The following ZMYM4 variants were observed in gnomAD, a reference collection of about 807,000 sequenced individuals.
ZMYM4 encodes the protein zinc finger MYM-type protein 4.
A neutral mutation model predicts 183.2 loss-of-function variants in ZMYM4; 31 were observed. That is an observed-to-expected ratio of 0.17 (90% CI 0.13 to 0.23). ZMYM4 has a LOEUF of 0.23. Ranked by LOEUF, ZMYM4 falls within the 10% of genes least tolerant of loss-of-function variation. ZMYM4 has a pLI of 1.00. For missense variants in ZMYM4, 1,273 were observed against 1,840.3 expected (o/e 0.69, Z 5.64); for synonymous variants, 592 against 631.2 (o/e 0.94, Z 0.93).
intron 2 of ZMYM4, among the ~76,000 whole-genome samples, chr1:35,338,180 T>C (rs1643054522): frequency 6.6e-6 from 1 of 152,176 alleles, no homozygotes; most frequent in Non-Finnish European, 1.5e-5. Flanking sequence ...CTACCCCTGC[T>C]GTAGGGTATA....
chr1:35,414,667 C>CTT (rs2149044488), intron 27 of ZMYM4, among the ~76,000 whole-genome samples: 1 of 152,298 alleles, frequency 6.6e-6, no homozygotes, highest in South Asian at 2.1e-4. Flanking sequence ...GTTTTGCAAT[C>CTT]TATGAGCTAA....
At chr1:35,269,138 G>T in intron 1 of ZMYM4, 53 bp downstream of exon 1, 4 of 1,541,148 alleles carry the variant, frequency 2.6e-6, no homozygotes, top group East Asian at 2.5e-5. Flanking sequence ...GCGGCCCGGG[G>T]CCGGGAATGG....
chr1:35,301,296 C>T (rs184606096), intron 1 of ZMYM4, among the ~76,000 whole-genome samples: 3 of 152,162 alleles, frequency 2.0e-5, no homozygotes, highest in African/African-American at 7.2e-5. Flanking sequence ...CCTGTAATCC[C>T]AGCACTTTGG....
rs1463121810 is a variant in ZMYM4, at chr1:35,387,551, T to C, written c.2210T>C (p.Ile737Thr). The C allele has an allele frequency of 1.9e-6, 3 of 1,613,708 alleles. No individual in the cohort carries two copies. Among genetic ancestry groups the C allele is most frequent in the African/African-American group, 2.7e-5 (2 of 74,986 alleles). The change falls in exon 13 of 30, where the codon ATT (isoleucine) becomes ACT (threonine). Residue 737 changes from isoleucine (I) to threonine (T), a missense_variant. Physicochemically the swap from Ile to Thr is moderately conservative, Grantham distance 89 (BLOSUM62 -1). Transcript: ENST00000314607. ...TGTGAATATTGTAAAATTGAGAAAA[T>C]TGTAAAGGAGACTGTTCGGTTCTCA... Reference protein sequence around the residue: ...AMCEYCKIEKIVKETVRFSGA... With the variant: ...AMCEYCKIEKTVKETVRFSGA...
At chr1:35,361,047 T>G (rs1643925535) in intron 3 of ZMYM4, 147 bp from the exon 4 acceptor site, 2 of 567,372 alleles carry the variant, frequency 3.5e-6, no homozygotes, top group Non-Finnish European at 5.7e-6. Context: ...AAATACCTTT[T>G]GGGTGTTTTT....
In ZMYM4 at chr1:35,392,371, G is replaced by A. The variant is rs201837797; in HGVS notation, c.2728+19G>A. Reference sequence around the variant, plus strand: ...TTACAAGGTATGGCTTGATTGGAAAGCATTTATCTAGCCTATTTAGGTTGA... The same window carrying A: ...TTACAAGGTATGGCTTGATTGGAAAACATTTATCTAGCCTATTTAGGTTGA... On this transcript the variant is annotated intron_variant, in intron 16 of 29. Transcript: ENST00000314607. The A allele has an allele frequency of 4.0e-5, 65 of 1,608,140 alleles. No homozygotes were observed. The highest frequency in any genetic ancestry group is 8.9e-5 in the East Asian group (4 of 44,828).
chr1:35,353,999 A>T (rs1015847014), intron 2 of ZMYM4, among the ~76,000 whole-genome samples: 8 of 152,098 alleles, frequency 5.3e-5, no homozygotes, highest in African/African-American at 1.7e-4. Context: ...TTAAAAAAAA[A>T]TTAGCTGGAT....
chr1:35,278,563 C>G (rs1054980237), intron 1 of ZMYM4, among the ~76,000 whole-genome samples: 4 of 151,848 alleles, frequency 2.6e-5, no homozygotes, highest in African/African-American at 9.7e-5. Context: ...GTAGCTGGGA[C>G]TACAGGAGCG....
At position 35,405,409 on chromosome 1, in the gene ZMYM4, C is replaced by G; in HGVS notation, c.3737C>G (p.Pro1246Arg). 6.2e-7 allele frequency: 1 copy of G among 1,613,580 alleles called. No homozygotes were observed. The highest frequency in any genetic ancestry group is 8.5e-7 in the Non-Finnish European group (1 of 1,179,868). The change falls in exon 25 of 30, where the codon CCC becomes CGC. Residue 1246 changes from proline to arginine, a missense_variant. Physicochemically the swap from Pro to Arg is moderately radical, Grantham distance 103. Around this residue, in one of 6 missense-constraint regions of ZMYM4, gnomAD observed 133 missense variants for 155.7 expected, o/e 0.85. Coordinates refer to ENST00000314607, the MANE Select transcript of ZMYM4 (RefSeq NM_005095.3). ...GCCTCATCTAGCCCACGTTCTGACC[C>G]CTTAGGAAGTACTCAAGACCATGCA... ...EQASSSPRSD[P>R]LGSTQDHALS...
intron 2 of ZMYM4, among the ~76,000 whole-genome samples, chr1:35,341,314 T>A (rs1643192273): frequency 6.6e-6 from 1 of 152,100 alleles, no homozygotes; most frequent in African/African-American, 2.4e-5. Context: ...AAATGATACA[T>A]GTACATATAT....
At chr1:35,373,688 C>T (rs1006927303) in intron 7 of ZMYM4, among the ~76,000 whole-genome samples, 2 of 151,602 alleles carry the variant, frequency 1.3e-5, no homozygotes, top group African/African-American at 2.4e-5. Flanking sequence ...CCACCGCGCC[C>T]GGCCCTGCAC....
intron 5 of ZMYM4, among the ~76,000 whole-genome samples, chr1:35,367,643 T>C (rs529566514): frequency 6.6e-6 from 1 of 152,214 alleles, no homozygotes; most frequent in Non-Finnish European, 1.5e-5. Flanking sequence ...AAGAATTTGA[T>C]ATATTTATCA....
chr1:35,290,673 TC>T (rs1353237796), intron 1 of ZMYM4, among the ~76,000 whole-genome samples: 19 of 152,002 alleles, frequency 1.2e-4, no homozygotes, highest in Admixed American at 1.2e-3. Context: ...CAAACAATCT[TC>T]CTGCCTTGGC....
Position 35,405,063 on chromosome 1 carries a change from T to C in ZMYM4, c.3569T>C (p.Leu1190Pro). ...ATAGTGGCTGTGGAGCCCAGGAGTCTTATTCAAGGAGCCTTTCAAGGCTGC... is the reference window on the plus strand; with the variant it reads ...ATAGTGGCTGTGGAGCCCAGGAGTCCTATTCAAGGAGCCTTTCAAGGCTGC... The part of the protein sequence containing the change: ...KSIVAVEPRS[L>P]IQGAFQGCSV... Residue 1190 changes from leucine to proline, a missense_variant, in exon 24 of 30, where the codon CTT (leucine) becomes CCT (proline). Physicochemically the swap from Leu to Pro is moderately conservative, Grantham distance 98 (BLOSUM62 -3). Transcript: ENST00000314607. 4.3e-6 allele frequency: 7 copies of C among 1,613,990 alleles called. No homozygotes were observed. The highest frequency in any genetic ancestry group is 1.6e-4 in the Middle Eastern group (1 of 6,062).
At chr1:35,288,725 T>G (rs1414926353) in intron 1 of ZMYM4, among the ~76,000 whole-genome samples, 1 of 152,030 alleles carries the variant, frequency 6.6e-6, no homozygotes, top group Admixed American at 6.6e-5. Flanking sequence ...TTCAGTTGTC[T>G]CATGGTGAGC....
chr1:35,312,168 G>A (rs778857080), intron 1 of ZMYM4, among the ~76,000 whole-genome samples: 5 of 151,880 alleles, frequency 3.3e-5, no homozygotes, highest in African/African-American at 7.3e-5. Context: ...TTAGGTTTTG[G>A]CAGTTTGATT....
At chr1:35,390,453 G>A (rs1449459558) in intron 15 of ZMYM4, among the ~76,000 whole-genome samples, 1 of 151,516 alleles carries the variant, frequency 6.6e-6, no homozygotes, top group African/African-American at 2.4e-5. Context: ...AGGAGTGGGG[G>A]TCACAAAGTG....
chr1:35,278,775 G>T (rs1161433340), intron 1 of ZMYM4, among the ~76,000 whole-genome samples: 1 of 152,142 alleles, frequency 6.6e-6, no homozygotes, highest in African/African-American at 2.4e-5. Context: ...CAAAAAGTTT[G>T]AAATCTCATT....
chr1:35,281,715 A>G (rs147636984), intron 1 of ZMYM4, among the ~76,000 whole-genome samples: 129 of 152,022 alleles, frequency 8.5e-4, no homozygotes, highest in African/African-American at 2.9e-3. Flanking sequence ...CTTTAAGTGT[A>G]TAATTCAGTG....
Sources: allele counts gnomAD v4.1 joint callset (sites outside exome capture counted in the v4.1 genomes callset), GRCh38; gene constraint gnomAD v4.1.1; regional missense constraint gnomAD v4.1.1; transcripts MANE v1.5; gene names NCBI Gene and HGNC (gene_info 2026-07-23, HGNC 2026-07-21).